The following IQSEC2 variants were observed in gnomAD, a reference collection of about 807,000 sequenced individuals.
IQSEC2 encodes the protein IQ motif and SEC7 domain-containing protein 2.
Under a neutral mutation model 74.6 loss-of-function variants are expected in IQSEC2, and 6 were observed. The observed-to-expected ratio is 0.08, with a 90% CI of 0.04 to 0.16. The LOEUF (loss-of-function observed/expected upper bound fraction) is 0.16, where lower values mean the gene tolerates loss of function less well. Ranked by LOEUF, IQSEC2 falls within the 10% of genes least tolerant of loss-of-function variation. The pLI is 1.00. For missense variants in IQSEC2, 734 were observed against 1,306.2 expected (o/e 0.56, Z 6.75); for synonymous variants, 494 against 544.5 (o/e 0.91, Z 1.29).
intron 2 of IQSEC2, among the ~76,000 whole-genome samples, chrX:53,285,627 T>G (rs1247597752): frequency 8.9e-6 from 1 of 111,898 alleles, no homozygotes; most frequent in Admixed American, 9.4e-5. Context: ...GGGGGAGGAG[T>G]TGAAGGAGAC....
At chrX:53,290,078 T>G (rs1264410594) in intron 2 of IQSEC2, among the ~76,000 whole-genome samples, 1 of 111,759 alleles carries the variant, frequency 8.9e-6, no homozygotes, top group Non-Finnish European at 1.9e-5. Context: ...TGGGTAGCAC[T>G]CTGGGTTGGC....
intron 2 of IQSEC2, among the ~76,000 whole-genome samples, chrX:53,276,816 A>G (rs782723531): frequency 9.3e-4 from 105 of 112,657 alleles, no homozygotes; most frequent in Non-Finnish European, 1.4e-3. Flanking sequence ...ACTTTTCAGC[A>G]TTTATGGAGA....
At chrX:53,301,186 T>C (rs902832951) in intron 1 of IQSEC2, among the ~76,000 whole-genome samples, 14 of 112,148 alleles carry the variant, frequency 1.2e-4, no homozygotes, top group Admixed American at 3.8e-4. Context: ...GCGGGGGGCA[T>C]AAGAATCAGT....
chrX:53,290,251 TCA>T (rs2075083931), intron 2 of IQSEC2, among the ~76,000 whole-genome samples: 1 of 111,862 alleles, frequency 8.9e-6, no homozygotes, highest in Non-Finnish European at 1.9e-5. Flanking sequence ...ACCTACAGTG[TCA>T]CTGGGAGGAT....
intron 2 of IQSEC2, among the ~76,000 whole-genome samples, chrX:53,273,676 A>T (rs1556869006): frequency 8.9e-6 from 1 of 112,308 alleles, no homozygotes; most frequent in Non-Finnish European, 1.9e-5. Context: ...TTTTCCTTAC[A>T]AAAATGGGAT....
chrX:53,246,066 T>C (rs2074303726), intron 8 of IQSEC2, among the ~76,000 whole-genome samples: 1 of 111,044 alleles, frequency 9.0e-6, no homozygotes, highest in East Asian at 2.8e-4. Context: ...TTCCCCATGT[T>C]GGCCAGGCTG....
chrX:53,303,726 G>A (rs1354747964), intron 1 of IQSEC2, among the ~76,000 whole-genome samples: 5 of 109,437 alleles, frequency 4.6e-5, no homozygotes, highest in Non-Finnish European at 7.6e-5. Flanking sequence ...GCTTGAACCT[G>A]GGGGGCAGAG....
rs2074179924 is a variant in IQSEC2 at position 53,239,154 on chromosome X, G to A, written c.3115+41C>T. ...GATGACGGGTGAGCATGGGGGCCAT[G>A]ACATAGACTCTCAGGAGCTGGGATC... On this transcript the variant is annotated intron_variant, in intron 11 of 14. Coordinates refer to ENST00000642864, the MANE Select transcript of IQSEC2 (RefSeq NM_001111125.3). The A allele has an allele frequency of 3.0e-6, 3 of 1,007,135 alleles. No homozygotes were observed. In the East Asian group the frequency reaches 9.1e-5, roughly 31 times the overall value. 83.0% of individuals were successfully genotyped at this position (1,007,135 alleles called of 1,213,427 possible).
At chrX:53,280,568 G>A (rs1181461964) in intron 2 of IQSEC2, among the ~76,000 whole-genome samples, 1 of 110,284 alleles carries the variant, frequency 9.1e-6, no homozygotes, top group Non-Finnish European at 1.9e-5. Context: ...AGAGGATGGG[G>A]TGGTTCCAGG....
At position 53,234,597 on chromosome X, in the gene IQSEC2, C is replaced by A; in HGVS notation, c.4089G>T (p.Gln1363His). 8.9e-7 allele frequency: 1 copy of A among 1,127,964 alleles called. No homozygotes were observed. The allele number at this position is 1,127,964 out of a possible 1,213,427, so 93.0% of individuals were successfully genotyped here. The change falls in exon 15 of 15, where the codon CAG becomes CAT. Residue 1363 changes from glutamine to histidine, a missense_variant. By Grantham distance (24) the Gln-to-His change is conservative. Coordinates refer to ENST00000642864, the MANE Select transcript of IQSEC2 (RefSeq NM_001111125.3). ...FAPHGRHPLH[Q>H]PTSPLPLYSP... is the part of the protein sequence containing the mutation. ...TGTACAGGGGCAGTGGGGATGTGGG[C>A]TGGTGCAGGGGGTGGCGGCCATGTG...
intron 2 of IQSEC2, among the ~76,000 whole-genome samples, chrX:53,289,359 A>G: frequency 9.0e-6 from 1 of 110,929 alleles, no homozygotes; most frequent in Admixed American, 9.6e-5. Context: ...CACTGATGAC[A>G]GAAGGTCGCT....
chrX:53,269,031 A>G (rs1403041960), intron 2 of IQSEC2, among the ~76,000 whole-genome samples: 2 of 111,980 alleles, frequency 1.8e-5, no homozygotes, highest in Non-Finnish European at 3.8e-5. Context: ...CATGTTCCCT[A>G]CTCACTGATG....
intron 1 of IQSEC2, among the ~76,000 whole-genome samples, chrX:53,300,516 G>C (rs1182018070): frequency 4.5e-5 from 5 of 111,459 alleles, no homozygotes; most frequent in African/African-American, 9.8e-5. Flanking sequence ...CAGCGACTGG[G>C]AGCTCCTGGT....
intron 2 of IQSEC2, among the ~76,000 whole-genome samples, chrX:53,275,811 A>G (rs1451340635): frequency 1.0e-5 from 1 of 95,305 alleles, no homozygotes; most frequent in East Asian, 3.3e-4. Flanking sequence ...CTCCCGCCTC[A>G]GCCTCCTGAG....
rs781791140 is a variant in IQSEC2, at chrX:53,254,611, G to A, written c.1320C>T (p.Ile440=). The change falls in exon 4 of 15, where the codon ATC becomes ATT. Residue 440 remains isoleucine (I), a synonymous_variant. Transcript: ENST00000642864. ...LPYGGSCGGG[I]DGGGSSVTTS... is the part of the protein sequence containing the mutation. ...TGGTGACGGAGCTTCCACCACCATC[G>A]ATGCCCCCACCACAGGAGCCTCCAT... 1.7e-6 allele frequency: 2 copies of A among 1,194,687 alleles called. No individual in the cohort carries two copies. Among genetic ancestry groups the A allele is most frequent in the East Asian group, 5.9e-5 (2 of 33,637 alleles).
chrX:53,235,260 T>C, intron 14 of IQSEC2, 76 bp from the exon 15 acceptor site: 1 of 1,132,507 alleles, frequency 8.8e-7, no homozygotes, highest in Non-Finnish European at 1.2e-6. Context: ...CCCCTGTCCC[T>C]GAGGGCTGGA....
Position 53,241,892 on chromosome X carries a change from G to A in IQSEC2, c.2907C>T (p.His969=). 2 of 1,209,375 alleles carry A rather than the reference G, an allele frequency of 1.7e-6. No homozygotes were observed. Among genetic ancestry groups the A allele is most frequent in the South Asian group, 1.8e-5 (1 of 56,363 alleles). ...VGKKPVLSLP[H]RRLVCCCQLY... is the part of the protein sequence containing the mutation. ...GCTGGCAGCAGCAAACCAGTCGACGGTGAGGGAGAGACAGGACCTAGACAG... is the reference window on the plus strand; with the variant it reads ...GCTGGCAGCAGCAAACCAGTCGACGATGAGGGAGAGACAGGACCTAGACAG... The change falls in exon 10 of 15, where the codon CAC becomes CAT. Residue 969 remains histidine, a synonymous_variant. Transcript: ENST00000642864.
chrX:53,253,273 T>C (rs2074418348), intron 4 of IQSEC2, among the ~76,000 whole-genome samples: 1 of 112,553 alleles, frequency 8.9e-6, no homozygotes, highest in Non-Finnish European at 1.9e-5. Flanking sequence ...ATTACCTGTA[T>C]AGTTGCACCG....
chrX:53,252,349 C>T (rs1556863871), intron 4 of IQSEC2, among the ~76,000 whole-genome samples: 1 of 97,235 alleles, frequency 1.0e-5, no homozygotes, highest in Non-Finnish European at 2.1e-5. Flanking sequence ...GCATGAGCTA[C>T]CACACCTGGC....
Sources: allele counts gnomAD v4.1 joint callset (sites outside exome capture counted in the v4.1 genomes callset), GRCh38; gene constraint gnomAD v4.1.1; transcripts MANE v1.5; gene names NCBI Gene and HGNC (gene_info 2026-07-23, HGNC 2026-07-21).